The following C1GALT1 variants were observed in gnomAD, a reference collection of about 807,000 sequenced individuals.
C1GALT1 encodes core 1 synthase, glycoprotein-N-acetylgalactosamine 3-beta-galactosyltransferase 1.
In C1GALT1, 11 loss-of-function variants were observed where a neutral mutation model predicts 31.0. The ratio of observed to expected loss-of-function variants is 0.36; its 90% CI spans 0.22 to 0.59. C1GALT1 has a LOEUF of 0.59. C1GALT1 is among the 20% of genes least tolerant of loss of function. The probability of loss-of-function intolerance (pLI) is 0.79; values close to 1 mark genes in which losing one functional copy is unlikely to be tolerated. For missense variants in C1GALT1, 424 were observed against 425.2 expected (o/e 1.00, Z 0.03); for synonymous variants, 175 against 143.6 (o/e 1.22, Z -1.56).
chr7:7,209,979 TTGAGCCAGGA>T (rs1562575614), intron 1 of C1GALT1, among the ~76,000 whole-genome samples: 2 of 152,202 alleles, frequency 1.3e-5, no homozygotes, highest in South Asian at 2.1e-4. Context: ...GGGGGAGCTT[TTGAGCCAGGA>T]TGAGCCAGGG....
chr7:7,239,033 C>T lies in C1GALT1; in HGVS notation c.888+111C>T, dbSNP rs138832955. ...TTAGTACCAACAACAAGGACTCTTC[C>T]TTAGTCTTTTTAAATAGAGTGGCAG... On this transcript the variant is annotated intron_variant, in intron 3 of 3. Coordinates refer to ENST00000436587, the MANE Select transcript of C1GALT1 (RefSeq NM_020156.5). 182 of 875,426 alleles carry T rather than the reference C, an allele frequency of 2.1e-4. 1 individual carries two copies. The East Asian group carries it at 4.8e-3, about 23-fold the overall frequency. The allele number at this position is 875,426 out of a possible 1,614,324, so 54.2% of individuals were successfully genotyped here.
chr7:7,242,988 G>A (rs1783698700), intron 3 of C1GALT1, among the ~76,000 whole-genome samples: 1 of 152,050 alleles, frequency 6.6e-6, no homozygotes, highest in Non-Finnish European at 1.5e-5. Context: ...CAAAATTTGG[G>A]TTCAAACCCA....
At position 7,199,446 on chromosome 7, in the gene C1GALT1, C is replaced by A. The variant is rs1382986763; in HGVS notation, c.-18+16626C>A. 4.6e-5 allele frequency among the ~76,000 whole-genome samples: 7 copies of A among 152,254 alleles called. No individual in the cohort carries two copies. In the East Asian group the frequency reaches 5.8e-4, roughly 13 times the overall value. On this transcript the variant is annotated intron_variant, in intron 1 of 3. Transcript: ENST00000436587. ...GTTCTTTTACATTTGCTGAGGAGTG[C>A]TTTACTTCCAACTATGTGGTAAGTT...
At chr7:7,216,893 A>G (rs1473257082) in intron 1 of C1GALT1, among the ~76,000 whole-genome samples, 3 of 152,180 alleles carry the variant, frequency 2.0e-5, no homozygotes, top group Non-Finnish European at 4.4e-5. Flanking sequence ...ATAGAGAGAG[A>G]GAGTTATTGA....
At chr7:7,231,788 C>T (rs1380427387) in intron 1 of C1GALT1, among the ~76,000 whole-genome samples, 1 of 149,628 alleles carries the variant, frequency 6.7e-6, no homozygotes. Context: ...ATGTTGTATA[C>T]CAAAAAAAAA....
chr7:7,239,738 A>T (rs530452002), intron 3 of C1GALT1, among the ~76,000 whole-genome samples: 37 of 146,564 alleles, frequency 2.5e-4, no homozygotes, highest in African/African-American at 9.0e-4. Flanking sequence ...CATTGTACTT[A>T]TCCCCTGTCT....
At chr7:7,170,862 T>C (rs1780446210) in intron 2 of C1GALT1, among the ~76,000 whole-genome samples, 1 of 152,270 alleles carries the variant, frequency 6.6e-6, no homozygotes, top group Non-Finnish European at 1.5e-5. Flanking sequence ...TTGTAGTTTC[T>C]TCTTTGACCA....
intron 2 of C1GALT1, among the ~76,000 whole-genome samples, chr7:7,175,334 A>G (rs981212979): frequency 2.0e-5 from 3 of 152,216 alleles, no homozygotes; most frequent in African/African-American, 4.8e-5. Context: ...CTCTACTTCA[A>G]TTCTTAGTTA....
At chr7:7,235,274 T>C (rs1783284343) in intron 2 of C1GALT1, 1 of 152,168 alleles carries the variant, frequency 6.6e-6, no homozygotes, top group South Asian at 2.1e-4. Context: ...TTGAAAACAA[T>C]TGGAATTCTG....
intron 1 of C1GALT1, 50 bp from the exon 2 acceptor site, chr7:7,234,253 A>G (rs1487147333): frequency 7.4e-7 from 1 of 1,342,790 alleles, no homozygotes; most frequent in Non-Finnish European, 1.0e-6. Flanking sequence ...TACTCCGGTT[A>G]TGTATACAGC....
chr7:7,194,467 A>G (rs55751634), intron 1 of C1GALT1, among the ~76,000 whole-genome samples: 35,904 of 151,984 alleles, frequency 0.24, 4,813 homozygotes, highest in East Asian at 0.42. Context: ...TATGTGGTAC[A>G]TCACAATTAT....
intron 1 of C1GALT1, among the ~76,000 whole-genome samples, chr7:7,197,011 T>C (rs1037916117): frequency 9.9e-5 from 15 of 152,248 alleles, no homozygotes; most frequent in Admixed American, 6.5e-5. Flanking sequence ...ACTCTGATGG[T>C]AGTTTCTTTT....
intron 1 of C1GALT1, among the ~76,000 whole-genome samples, chr7:7,208,780 A>G (rs1020841135): frequency 2.6e-5 from 4 of 152,190 alleles, no homozygotes; most frequent in Non-Finnish European, 4.4e-5. Context: ...TCCCACAGCT[A>G]CATATAAGCT....
chr7:7,167,478 A>G (rs6976900), intron 2 of C1GALT1, among the ~76,000 whole-genome samples: 29,455 of 151,994 alleles, frequency 0.19, 3,446 homozygotes, highest in East Asian at 0.4. Context: ...ATAAACAATG[A>G]TAAATCTCCC....
intron 2 of C1GALT1, among the ~76,000 whole-genome samples, chr7:7,161,355 A>G (rs573124538): frequency 6.6e-6 from 1 of 152,164 alleles, no homozygotes; most frequent in Non-Finnish European, 1.5e-5. Context: ...CTTGGATGAA[A>G]ATCACTAACA....
intron 1 of C1GALT1, among the ~76,000 whole-genome samples, chr7:7,193,972 G>C (rs1781180108): frequency 6.6e-6 from 1 of 151,798 alleles, no homozygotes; most frequent in South Asian, 2.1e-4. Context: ...TTGATTTGCA[G>C]CTTGGTTGCT....
intron 1 of C1GALT1, among the ~76,000 whole-genome samples, chr7:7,183,346 C>T (rs1231389409): frequency 6.6e-6 from 1 of 152,200 alleles, no homozygotes; most frequent in Non-Finnish European, 1.5e-5. Flanking sequence ...AGCGAGCGGG[C>T]TCCTTCCAGA....
chr7:7,204,467 C>A (rs1479905491), intron 1 of C1GALT1, among the ~76,000 whole-genome samples: 1 of 151,754 alleles, frequency 6.6e-6, no homozygotes, highest in African/African-American at 2.4e-5. Flanking sequence ...TTTTCTTAGT[C>A]TAGCTAGAGA....
At chr7:7,169,443 A>C (rs1780430168) in intron 2 of C1GALT1, among the ~76,000 whole-genome samples, 1 of 152,212 alleles carries the variant, frequency 6.6e-6, no homozygotes, top group Non-Finnish European at 1.5e-5. Flanking sequence ...GCTGGTTTCC[A>C]CAGTGGTTGC....
Sources: gnomAD v4.1 joint callset for allele counts (sites outside exome capture counted in the v4.1 genomes callset) on GRCh38, gnomAD v4.1.1 for gene constraint, MANE v1.5 for transcripts, NCBI Gene and HGNC (gene_info 2026-07-23, HGNC 2026-07-21) for gene names.